Variants in CDH26 observed in about 807,000 individuals in gnomAD.
CDH26 encodes cadherin 26.
In CDH26, 83 loss-of-function variants were observed where a neutral mutation model predicts 90.3. The observed-to-expected ratio is 0.92, with a 90% CI of 0.77 to 1.10. The LOEUF is 1.10. Among genes scored for constraint, CDH26 ranks in the 50% least tolerant of loss-of-function variants. CDH26 has a pLI of 0.00. For synonymous variants in CDH26, 397 were observed against 396.3 expected (o/e 1.00, Z -0.02); for missense variants, 1,013 against 1,037.6 (o/e 0.98, Z 0.33).
chr20:60,018,468 C>T (rs2061924050), downstream of CDH26, among the ~76,000 whole-genome samples: 1 of 151,866 alleles, frequency 6.6e-6, no homozygotes, highest in Admixed American at 6.6e-5. Context: ...CTTTTCCACC[C>T]CTTCATGTTC....
chr20:60,012,411 C>G (rs965023765), intron 17 of CDH26, 116 bp from the exon 18 acceptor site: 2 of 905,960 alleles, frequency 2.2e-6, no homozygotes, highest in Non-Finnish European at 3.3e-6. Flanking sequence ...GCTGAGGACA[C>G]GGGGCCTGAG....
chr20:60,001,720 TA>T (rs2061679549), intron 15 of CDH26: 1 of 720,392 alleles, frequency 1.4e-6, no homozygotes, highest in African/African-American at 1.9e-5. Flanking sequence ...AGATCATCTA[TA>T]AAGTTAAAAG....
At chr20:60,035,358 A>G (rs947471318), downstream of CDH26, among the ~76,000 whole-genome samples, 16 of 152,224 alleles carry the variant, frequency 1.1e-4, no homozygotes, top group South Asian at 2.1e-4. Flanking sequence ...GTTAATACCT[A>G]TTGACAAATT....
intron 12 of CDH26, 58 bp downstream of exon 12, chr20:59,996,112 A>G: frequency 6.5e-7 from 1 of 1,527,624 alleles, no homozygotes; most frequent in Non-Finnish European, 8.9e-7. Flanking sequence ...GCAATAGGCC[A>G]GGGGTAAGGG....
intron 9 of CDH26, 151 bp downstream of exon 9, chr20:59,989,314 G>C: frequency 2.1e-6 from 2 of 961,574 alleles, no homozygotes; most frequent in South Asian, 3.2e-5. Flanking sequence ...GGATCATGAG[G>C]TCAAGAGATC....
intron 7 of CDH26, among the ~76,000 whole-genome samples, chr20:60,029,704 C>T (rs1185171697): frequency 1.3e-5 from 2 of 151,986 alleles, no homozygotes; most frequent in East Asian, 1.9e-4. Flanking sequence ...TCTCATTGCT[C>T]GACTCCCAGT....
chr20:59,994,677 G>T (rs2061570112), intron 11 of CDH26, among the ~76,000 whole-genome samples, 188 bp downstream of exon 11: 1 of 152,078 alleles, frequency 6.6e-6, no homozygotes, highest in African/African-American at 2.4e-5. Flanking sequence ...CTTTCTCTAG[G>T]TTCCTTCTTT....
chr20:59,999,518 C>A, intron 13 of CDH26, 68 bp from the exon 14 acceptor site: 2 of 1,342,124 alleles, frequency 1.5e-6, no homozygotes, highest in Non-Finnish European at 2.1e-6. Context: ...TCATTCCTTT[C>A]CTTCTGTTTT....
At chr20:60,029,914 A>C (rs191600570) in intron 7 of CDH26, among the ~76,000 whole-genome samples, 42 of 152,252 alleles carry the variant, frequency 2.8e-4, no homozygotes, top group African/African-American at 9.1e-4. Flanking sequence ...CTTACCACCA[A>C]AAATAAATAA....
rs1444628345 is a variant in CDH26 at position 59,994,278 on chromosome 20, C to T, written c.1455C>T (p.Thr485=). 1 of 1,613,790 alleles carries T rather than the reference C, an allele frequency of 6.2e-7. No homozygotes were observed. The highest frequency in any genetic ancestry group is 8.5e-7 in the Non-Finnish European group (1 of 1,179,996). ...DGFPPQTATG[T]LMLFLSDIND... ...TCCCACCGCAGACTGCTACAGGGAC[C>T]CTAATGCTCTTCCTGTCTGACATCA... Residue 485 remains threonine, a synonymous_variant, in exon 11 of 18, where the codon ACC becomes ACT. Coordinates refer to ENST00000348616, the MANE Select transcript of CDH26 (RefSeq NM_177980.4).
chr20:60,020,830 G>T (rs2061946018), intron 7 of CDH26, among the ~76,000 whole-genome samples: 1 of 152,170 alleles, frequency 6.6e-6, no homozygotes. Context: ...TGGGCTCAGG[G>T]CTTTGTGAGG....
intron 8 of CDH26, among the ~76,000 whole-genome samples, chr20:60,031,944 C>T (rs1368446696): frequency 1.3e-5 from 2 of 152,304 alleles, no homozygotes; most frequent in African/African-American, 4.8e-5. Flanking sequence ...GCATGGAAGG[C>T]CTGCCTCTTT....
chr20:60,029,254 G>C (rs773643669), intron 7 of CDH26, among the ~76,000 whole-genome samples: 1 of 152,106 alleles, frequency 6.6e-6, no homozygotes, highest in Non-Finnish European at 1.5e-5. Flanking sequence ...GAGGTCTGCT[G>C]CACAACGTGG....
chr20:59,975,116 G>A (rs901109359), intron 4 of CDH26, among the ~76,000 whole-genome samples: 9 of 152,138 alleles, frequency 5.9e-5, no homozygotes, highest in African/African-American at 2.2e-4. Flanking sequence ...GTTGAATTGT[G>A]TCTCCCAAAA....
chr20:59,976,446 G>A lies in CDH26; in HGVS notation c.393+4323G>A, dbSNP rs2061329350. On this transcript the variant is annotated intron_variant, in intron 4 of 17. Coordinates refer to ENST00000348616, the MANE Select transcript of CDH26 (RefSeq NM_177980.4). Reference sequence around the variant, plus strand: ...ACTAAAGGTCTCATACGTAGCTTTAGGATAATAAATGAAATATAAAATAAT... The same window carrying A: ...ACTAAAGGTCTCATACGTAGCTTTAAGATAATAAATGAAATATAAAATAAT... Among the ~76,000 whole-genome samples, 6 of 152,244 alleles carry A rather than the reference G, an allele frequency of 3.9e-5. No homozygotes were observed. In the South Asian group the frequency reaches 1.2e-3, roughly 32 times the overall value.
chr20:60,014,564 G>A (rs1213614263), downstream of CDH26: 3 of 151,780 alleles, frequency 2.0e-5, no homozygotes, highest in Non-Finnish European at 2.9e-5. Context: ...TCAACTTTCT[G>A]CAGCTGGCTT....
intron 7 of CDH26, among the ~76,000 whole-genome samples, chr20:59,985,661 A>G (rs1411256815): frequency 4.6e-5 from 7 of 152,126 alleles, no homozygotes; most frequent in Non-Finnish European, 7.3e-5. Flanking sequence ...TCTCCAATCT[A>G]TATCGCGCAG....
In CDH26 at chr20:59,990,193, C is replaced by A. The variant is rs117053743; in HGVS notation, c.1283+1030C>A. Among the ~76,000 whole-genome samples the A allele has an allele frequency of 4.4e-3, 663 of 152,320 alleles. 2 individuals carry two copies. Among genetic ancestry groups the A allele is most frequent in the Middle Eastern group, 0.017 (5 of 294 alleles). On this transcript the variant is annotated intron_variant, in intron 9 of 17. Coordinates refer to ENST00000348616, the MANE Select transcript of CDH26 (RefSeq NM_177980.4). ...GCACGTTTAGCATGTATCAGAATGT[C>A]CTTCCTTCTGATGCTGAATATGCAT... is the stretch of plus-strand genomic sequence containing the variant.
chr20:60,016,215 G>A (rs1041303279), downstream of CDH26, among the ~76,000 whole-genome samples: 1 of 152,044 alleles, frequency 6.6e-6, no homozygotes, highest in Non-Finnish European at 1.5e-5. Flanking sequence ...TTTGCATAGT[G>A]TGATAATTTT....
Sources: gnomAD v4.1 joint callset for allele counts (sites outside exome capture counted in the v4.1 genomes callset) on GRCh38, gnomAD v4.1.1 for gene constraint, MANE v1.5 for transcripts, NCBI Gene and HGNC (gene_info 2026-07-23, HGNC 2026-07-21) for gene names.